The following CELF2 variants were observed in gnomAD, a reference collection of about 807,000 sequenced individuals.
CELF2 encodes the protein CUGBP Elav-like family member 2.
Under a neutral mutation model 62.6 loss-of-function variants are expected in CELF2, and 8 were observed. That is an observed-to-expected ratio of 0.13 (90% CI 0.07 to 0.23). The LOEUF is 0.23. Ranked by LOEUF, CELF2 falls within the 10% of genes least tolerant of loss-of-function variation. CELF2 has a pLI of 1.00. For missense variants in CELF2, 333 were observed against 671.0 expected (o/e 0.50, Z 5.56); for synonymous variants, 258 against 250.0 (o/e 1.03, Z -0.30).
the CELF2 span, among the ~76,000 whole-genome samples, chr10:10,584,820 T>C: frequency 3.3e-5 from 5 of 152,190 alleles, no homozygotes; most frequent in Non-Finnish European, 7.3e-5. Flanking sequence ...TCATTTCAAA[T>C]GTGGGTTGTG....
chr10:11,091,154 C>G (rs1290880072), intron 1 of CELF2, among the ~76,000 whole-genome samples: 1 of 152,096 alleles, frequency 6.6e-6, no homozygotes, highest in Non-Finnish European at 1.5e-5. Flanking sequence ...CCTTTTTTGT[C>G]TAATCAGCTT....
the CELF2 span, among the ~76,000 whole-genome samples, chr10:10,788,086 G>A: frequency 6.6e-6 from 1 of 152,134 alleles, no homozygotes; most frequent in Admixed American, 6.5e-5. Context: ...GGCCAAAAAT[G>A]ATTAGTGCAA....
chr10:10,996,737 C>G (rs1358271786), intron 2 of CELF2, among the ~76,000 whole-genome samples: 1 of 152,104 alleles, frequency 6.6e-6, no homozygotes, highest in East Asian at 1.9e-4. Flanking sequence ...TGGATTTGCC[C>G]CGCAGTTCTG....
chr10:10,580,817 A>G, the CELF2 span, among the ~76,000 whole-genome samples: 3 of 152,242 alleles, frequency 2.0e-5, no homozygotes, highest in African/African-American at 7.2e-5. Context: ...ACATTGGATC[A>G]ATAAATATTT....
rs2072119340 is a variant in CELF2 at position 11,178,629 on chromosome 10, A to G, written c.271+12947A>G. ...CACAGATTAAACTCCAAGGCAAATA[A>G]ATGTGTGACAGCTTAAGAGGCGAAA... On this transcript the variant is annotated intron_variant, in intron 2 of 12. Coordinates refer to ENST00000633077, the MANE Select transcript of CELF2 (RefSeq NM_001326342.2). This position sits in a 1 kb window ranked among gnomAD's most constrained non-coding sequence, Gnocchi z 4.3. Among the ~76,000 whole-genome samples the G allele has an allele frequency of 6.6e-6, 1 of 152,230 alleles. No individual in the cohort carries two copies. The highest frequency in any genetic ancestry group is 2.1e-4 in the South Asian group (1 of 4,834).
the CELF2 span, among the ~76,000 whole-genome samples, chr10:10,495,443 A>G: frequency 6.6e-6 from 1 of 152,196 alleles, no homozygotes; most frequent in Non-Finnish European, 1.5e-5. Context: ...ATATTTAGAC[A>G]TTGCCCCTTT....
the CELF2 span, among the ~76,000 whole-genome samples, chr10:10,519,641 C>A: frequency 6.6e-6 from 1 of 152,178 alleles, no homozygotes; most frequent in Admixed American, 6.5e-5. Flanking sequence ...TAAACAATTT[C>A]GGGTTGTTGT....
chr10:11,165,290 C>G lies in CELF2; in HGVS notation c.75-196C>G. 7.2e-7 allele frequency: 1 copy of G among 1,397,192 alleles called. No individual in the cohort carries two copies. Among genetic ancestry groups the G allele is most frequent in the Non-Finnish European group, 9.3e-7 (1 of 1,077,098 alleles). The allele number at this position is 1,397,192 out of a possible 1,614,324, so 86.5% of individuals were successfully genotyped here. A position where few individuals can be genotyped will look rare whatever the true frequency, so the allele number is the denominator to read the frequency against. On this transcript the variant is annotated intron_variant, in intron 1 of 12. Coordinates refer to ENST00000633077, the MANE Select transcript of CELF2 (RefSeq NM_001326342.2). This position sits in a 1 kb window ranked among gnomAD's most constrained non-coding sequence, Gnocchi z 7.4. ...GCTCGACAGCAGCACGCAGTGAGAG[C>G]CTCGCCGCCGCCGAGGAGCAACTCA... is the stretch of plus-strand genomic sequence containing the variant.
At chr10:10,875,738 T>C (rs2061044104) in intron 1 of CELF2, among the ~76,000 whole-genome samples, 1 of 152,102 alleles carries the variant, frequency 6.6e-6, no homozygotes, top group African/African-American at 2.4e-5. Context: ...TAAAGTACAG[T>C]ATGTTATTTA....
the CELF2 span, among the ~76,000 whole-genome samples, chr10:10,766,869 T>C: frequency 6.6e-6 from 1 of 152,202 alleles, no homozygotes; most frequent in Admixed American, 6.5e-5. Context: ...CACACATGTC[T>C]TCCTTGGACG....
the CELF2 span, among the ~76,000 whole-genome samples, chr10:10,577,944 C>T: frequency 3.9e-5 from 6 of 152,298 alleles, no homozygotes; most frequent in South Asian, 1.0e-3. Flanking sequence ...CACCGACTTC[C>T]GCAATGGTTG....
In CELF2 at chr10:11,117,129, T is replaced by C. The variant is rs2056733599; in HGVS notation, c.75-48357T>C. Reference sequence around the variant, plus strand: ...CTTCTGAGTAATACAAGGCAATGATTTGTAAATCACAGTGACAACCAGTGA... The same window carrying C: ...CTTCTGAGTAATACAAGGCAATGATCTGTAAATCACAGTGACAACCAGTGA... On this transcript the variant is annotated intron_variant, in intron 1 of 12. Coordinates refer to ENST00000633077, the MANE Select transcript of CELF2 (RefSeq NM_001326342.2). This position sits in a 1 kb window ranked among gnomAD's most constrained non-coding sequence, Gnocchi z 4.1. Among the ~76,000 whole-genome samples, 1 of 152,244 alleles carries C rather than the reference T, an allele frequency of 6.6e-6. No homozygotes were observed. The highest frequency in any genetic ancestry group is 1.5e-5 in the Non-Finnish European group (1 of 68,044).
At chr10:10,970,438 C>G (rs750135555) in intron 2 of CELF2, among the ~76,000 whole-genome samples, 1 of 152,164 alleles carries the variant, frequency 6.6e-6, no homozygotes, top group African/African-American at 2.4e-5. Flanking sequence ...CATCGAAAAG[C>G]TTTTGTTGAT....
chr10:11,028,525 T>C (rs1440111002), intron 1 of CELF2, among the ~76,000 whole-genome samples: 2 of 151,482 alleles, frequency 1.3e-5, no homozygotes, highest in Non-Finnish European at 2.9e-5. Flanking sequence ...GTTCAAGTGA[T>C]TCTCTTGCCT....
the CELF2 span, among the ~76,000 whole-genome samples, chr10:10,534,153 C>A: frequency 1.4e-5 from 2 of 146,956 alleles, no homozygotes; most frequent in East Asian, 2.0e-4. Context: ...TTTGACTCTT[C>A]AGGAACATTC....
rs1318781529 is a variant in CELF2, at chr10:11,164,978, T to G, written c.75-508T>G. 5 of 781,882 alleles carry G rather than the reference T, an allele frequency of 6.4e-6. No homozygotes were observed. The African/African-American group carries it at 7.7e-5, about 12-fold the overall frequency. 48.4% of individuals were successfully genotyped at this position (781,882 alleles called of 1,614,324 possible). On this transcript the variant is annotated intron_variant, in intron 1 of 12. Coordinates refer to ENST00000633077, the MANE Select transcript of CELF2 (RefSeq NM_001326342.2). The stretch of plus-strand genomic sequence containing the variant: ...GGACTGCCAAGTGTTTCATTTTCTT[T>G]CCATGTGACTTTATTATTACCACCT...
chr10:11,188,356 C>T (rs976656568), intron 2 of CELF2, among the ~76,000 whole-genome samples: 4 of 152,186 alleles, frequency 2.6e-5, no homozygotes, highest in Admixed American at 6.5e-5. Flanking sequence ...CTGCCCACCT[C>T]GGCCTCCCAA....
At chr10:10,893,713 G>A (rs1469914891) in intron 1 of CELF2, among the ~76,000 whole-genome samples, 1 of 152,156 alleles carries the variant, frequency 6.6e-6, no homozygotes, top group East Asian at 1.9e-4. Context: ...AAAAGGGAGT[G>A]GGACACCTCA....
At chr10:11,221,408 AAAT>A (rs1248889287) in intron 3 of CELF2, among the ~76,000 whole-genome samples, 2 of 152,250 alleles carry the variant, frequency 1.3e-5, no homozygotes, top group Non-Finnish European at 2.9e-5. Flanking sequence ...CTCAATTAAA[AAAT>A]AAAGTAAAAT....
Sources: gnomAD v4.1 joint callset for allele counts (sites outside exome capture counted in the v4.1 genomes callset) on GRCh38, gnomAD v4.1.1 for gene constraint, Gnocchi (gnomAD v3.1) non-coding constraint, MANE v1.5 for transcripts, NCBI Gene and HGNC (gene_info 2026-07-23, HGNC 2026-07-21) for gene names.